Variants in ST8SIA5 observed in about 807,000 individuals in gnomAD.
ST8SIA5 encodes the protein ST8 alpha-N-acetyl-neuraminide alpha-2,8-sialyltransferase 5, also known as alpha-2,8-sialyltransferase 8E.
Under a neutral mutation model 40.2 loss-of-function variants are expected in ST8SIA5, and 24 were observed. That is an observed-to-expected ratio of 0.60 (90% CI 0.43 to 0.84). The LOEUF (loss-of-function observed/expected upper bound fraction) is 0.84. Ranked by LOEUF, ST8SIA5 falls within the 40% of genes least tolerant of loss-of-function variation. The pLI, the probability that ST8SIA5 is intolerant of heterozygous loss-of-function variation, is 0.00. For missense variants in ST8SIA5, 465 were observed against 498.5 expected (o/e 0.93, Z 0.64); for synonymous variants, 198 against 201.8 (o/e 0.98, Z 0.16).
At chr18:46,727,940 GC>G (rs1264534153) in intron 1 of ST8SIA5, among the ~76,000 whole-genome samples, 1 of 152,134 alleles carries the variant, frequency 6.6e-6, no homozygotes, top group Non-Finnish European at 1.5e-5. Context: ...GGTGGCTCAC[GC>G]CTGTAAGCAT....
chr18:46,747,527 T>G (rs904534909), intron 1 of ST8SIA5, among the ~76,000 whole-genome samples: 1 of 152,138 alleles, frequency 6.6e-6, no homozygotes, highest in Non-Finnish European at 1.5e-5. Context: ...TGAGATACCA[T>G]CTCACACCAG....
At chr18:46,696,356 C>T (rs1463915943) in intron 2 of ST8SIA5, among the ~76,000 whole-genome samples, 1 of 152,156 alleles carries the variant, frequency 6.6e-6, no homozygotes, top group African/African-American at 2.4e-5. Flanking sequence ...CCTAGAGCAG[C>T]CCCCTATATG....
intron 2 of ST8SIA5, among the ~76,000 whole-genome samples, chr18:46,698,811 G>A (rs1040990020): frequency 2.0e-5 from 3 of 152,228 alleles, no homozygotes; most frequent in African/African-American, 7.2e-5. Context: ...ACTGGAGCAA[G>A]ATGATGAAGA....
chr18:46,748,463 C>T (rs1482577274), intron 1 of ST8SIA5, among the ~76,000 whole-genome samples: 1 of 145,490 alleles, frequency 6.9e-6, no homozygotes, highest in Non-Finnish European at 1.5e-5. Context: ...ACTCAGGAGG[C>T]TGAGGTGGGA....
At chr18:46,713,134 C>T (rs993222061) in intron 1 of ST8SIA5, among the ~76,000 whole-genome samples, 24 of 151,948 alleles carry the variant, frequency 1.6e-4, no homozygotes, top group Non-Finnish European at 3.2e-4. Context: ...GGATAAAGGA[C>T]TGTAAAGGGA....
At chr18:46,751,175 T>C (rs2040191896) in intron 1 of ST8SIA5, among the ~76,000 whole-genome samples, 1 of 152,100 alleles carries the variant, frequency 6.6e-6, no homozygotes. Flanking sequence ...TTCTACTTTC[T>C]GTCTTTATGA....
intron 1 of ST8SIA5, among the ~76,000 whole-genome samples, chr18:46,717,281 C>A (rs1489867556): frequency 6.6e-6 from 1 of 152,152 alleles, no homozygotes; most frequent in Admixed American, 6.6e-5. Context: ...GAGGGGTGTT[C>A]AGGAGGAGGT....
At chr18:46,694,963 A>C (rs2039542790) in intron 2 of ST8SIA5, among the ~76,000 whole-genome samples, 1 of 152,128 alleles carries the variant, frequency 6.6e-6, no homozygotes, top group Non-Finnish European at 1.5e-5. Flanking sequence ...GTTTGAGACC[A>C]GCCTGGCCAA....
rs1417621676 is a variant in ST8SIA5, at chr18:46,756,678, AT to A, written c.-171del. The A allele has an allele frequency of 6.7e-6, 5 of 745,358 alleles. No homozygotes were observed. The highest frequency in any genetic ancestry group is 1.0e-5 in the Non-Finnish European group (5 of 485,208). 46.2% of individuals were successfully genotyped at this position (745,358 alleles called of 1,614,324 possible). On this transcript the variant is annotated 5_prime_UTR_variant, in exon 1 of 7. An upstream start codon of the reference 5' UTR is lost. Transcript: ENST00000315087. The stretch of plus-strand genomic sequence containing the variant: ...GGTTGGCGCGGCCGGAGCTGGGGGC[AT>A]CCAAGCGTCGCAGGCGCTGGGGCGG...
intron 1 of ST8SIA5, among the ~76,000 whole-genome samples, chr18:46,720,720 C>T (rs1428935601): frequency 2.0e-5 from 3 of 152,196 alleles, no homozygotes; most frequent in Non-Finnish European, 4.4e-5. Context: ...CAGCTCCCAG[C>T]AGAGACAGTA....
At chr18:46,690,744 G>T (rs1049490276) in intron 3 of ST8SIA5, among the ~76,000 whole-genome samples, 1 of 151,454 alleles carries the variant, frequency 6.6e-6, no homozygotes, top group Non-Finnish European at 1.5e-5. Context: ...CTCCCAAGTA[G>T]CTAGGATTAC....
At chr18:46,732,747 A>G (rs2039996828) in intron 1 of ST8SIA5, among the ~76,000 whole-genome samples, 1 of 152,128 alleles carries the variant, frequency 6.6e-6, no homozygotes, top group Non-Finnish European at 1.5e-5. Flanking sequence ...CCATTCCAGA[A>G]AGGTAGCTCG....
chr18:46,711,091 A>T (rs1264563147), intron 1 of ST8SIA5, among the ~76,000 whole-genome samples: 1 of 152,204 alleles, frequency 6.6e-6, no homozygotes, highest in Non-Finnish European at 1.5e-5. Context: ...CTGGTTAGAG[A>T]CACCACTAGC....
rs2039334194 is a variant in ST8SIA5, at chr18:46,675,540, T to C, written c.*4502A>G. On this transcript the variant is annotated 3_prime_UTR_variant, in exon 7 of 7. Transcript: ENST00000315087. ...TGCTTCCAATGCTCCTAGGGAGGAC[T>C]GGCCTGCAGGTAGAGGGGTTAAGAT... 1 of 152,214 alleles carries C rather than the reference T, an allele frequency of 6.6e-6. No individual in the cohort carries two copies. The highest frequency in any genetic ancestry group is 2.1e-4 in the South Asian group (1 of 4,822). The allele number at this position is 152,214 out of a possible 1,614,324, so 9.4% of individuals were successfully genotyped here.
intron 3 of ST8SIA5, 93 bp downstream of exon 3, chr18:46,692,076 G>A: frequency 1.5e-6 from 2 of 1,355,816 alleles, no homozygotes; most frequent in Non-Finnish European, 2.1e-6. Context: ...GATGCACGCT[G>A]AGAGCTGGGC....
chr18:46,747,378 AAAAC>A (rs1300950903), intron 1 of ST8SIA5, among the ~76,000 whole-genome samples: 2 of 152,358 alleles, frequency 1.3e-5, no homozygotes, highest in Non-Finnish European at 1.5e-5. Flanking sequence ...TTACAAGAAA[AAAAC>A]AAACAACCCC....
chr18:46,682,099 T>A, intron 5 of ST8SIA5, 35 bp from the exon 6 acceptor site: 2 of 1,545,054 alleles, frequency 1.3e-6, no homozygotes, highest in East Asian at 4.6e-5. Flanking sequence ...AGGTGGTTGG[T>A]CATTCAATAG....
chr18:46,694,125 C>A (rs2039533129), intron 2 of ST8SIA5, among the ~76,000 whole-genome samples: 1 of 152,200 alleles, frequency 6.6e-6, no homozygotes, highest in Non-Finnish European at 1.5e-5. Flanking sequence ...CAAGCCAGGC[C>A]AGCACCCACT....
Position 46,756,369 on chromosome 18 carries a change from CT to C in ST8SIA5, c.131+8del. ...CCGCGCATCCCGCCCTCTCAATGGA[CT>C]TTCTTACCTCTTAATGTAGTTCCTG... On this transcript the variant is annotated splice_region_variant and intron_variant, in intron 1 of 6. Coordinates refer to ENST00000315087, the MANE Select transcript of ST8SIA5 (RefSeq NM_013305.6). 2 of 1,611,442 alleles carry C rather than the reference CT, an allele frequency of 1.2e-6. No homozygotes were observed. Among genetic ancestry groups the C allele is most frequent in the Non-Finnish European group, 8.5e-7 (1 of 1,178,372 alleles).
Sources: allele counts gnomAD v4.1 joint callset (sites outside exome capture counted in the v4.1 genomes callset), GRCh38; gene constraint gnomAD v4.1.1; transcripts MANE v1.5; gene names NCBI Gene and HGNC (gene_info 2026-07-23, HGNC 2026-07-21).